Variants in GALNT17 observed in about 807,000 individuals in gnomAD.
The protein encoded by GALNT17 is UDP-GalNAc:polypeptide N-acetylgalactosaminyltransferase-like 3.
In GALNT17, 29 loss-of-function variants were observed where a neutral mutation model predicts 63.7. The ratio of observed to expected loss-of-function variants is 0.46; its 90% CI spans 0.34 to 0.62. The LOEUF is 0.62. Ranked by LOEUF, GALNT17 falls within the 20% of genes least tolerant of loss-of-function variation. The pLI is 0.01. For missense variants in GALNT17, 603 were observed against 799.6 expected (o/e 0.75, Z 2.97); for synonymous variants, 305 against 318.3 (o/e 0.96, Z 0.45).
At chr7:71,649,843 C>T (rs980100173) in intron 6 of GALNT17, among the ~76,000 whole-genome samples, 1 of 152,182 alleles carries the variant, frequency 6.6e-6, no homozygotes, top group African/African-American at 2.4e-5. Flanking sequence ...TTGTAATTCT[C>T]GTTAACCCTA....
chr7:71,330,318 A>T (rs1791786480), intron 1 of GALNT17, among the ~76,000 whole-genome samples: 2 of 151,466 alleles, frequency 1.3e-5, no homozygotes, highest in Non-Finnish European at 2.9e-5. Flanking sequence ...CGGCTGGACA[A>T]GTGGGATTTC....
At chr7:71,579,623 A>G (rs1789600731) in intron 6 of GALNT17, among the ~76,000 whole-genome samples, 1 of 152,360 alleles carries the variant, frequency 6.6e-6, no homozygotes, top group South Asian at 2.1e-4. Context: ...AGAATATTCT[A>G]GACAGAAAAA....
intron 6 of GALNT17, among the ~76,000 whole-genome samples, chr7:71,587,235 C>A (rs1446791473): frequency 6.6e-6 from 1 of 152,056 alleles, no homozygotes; most frequent in Non-Finnish European, 1.5e-5. Context: ...ACCATGTTGG[C>A]CAGGCTGGTC....
chr7:71,134,096 G>A (rs1346037761), intron 1 of GALNT17, among the ~76,000 whole-genome samples: 1 of 152,186 alleles, frequency 6.6e-6, no homozygotes, highest in African/African-American at 2.4e-5. Context: ...ATCCACAGAG[G>A]GGAAATGAGA....
chr7:71,572,052 G>A (rs1417574184), intron 6 of GALNT17, among the ~76,000 whole-genome samples: 2 of 151,604 alleles, frequency 1.3e-5, no homozygotes, highest in Admixed American at 6.6e-5. Context: ...TTTTACATCC[G>A]CAGATTTATT....
rs373112898 is a variant in GALNT17, at chr7:71,592,563, C to CATACTAAAATAAAA, written c.1080+21161_1080+21162insATACTAAAATAAAA. On this transcript the variant is annotated intron_variant, in intron 6 of 10. Coordinates refer to ENST00000333538, the MANE Select transcript of GALNT17 (RefSeq NM_022479.3). ...AAATAAAATAGCATAGCATAGCATA[C>CATACTAAAATAAAA]TAAAATAAAATAAAATAAAATAAAA... 1.7e-3 allele frequency among the ~76,000 whole-genome samples: 118 copies of CATACTAAAATAAAA among 69,958 alleles called. 1 individual carries two copies. The highest frequency in any genetic ancestry group is 5.4e-3 in the African/African-American group (114 of 21,134). The allele number at this position is 69,958 out of a possible 152,430, so 45.9% of individuals were successfully genotyped here.
At chr7:71,411,245 C>T (rs1050819037) in intron 3 of GALNT17, among the ~76,000 whole-genome samples, 2 of 152,016 alleles carry the variant, frequency 1.3e-5, no homozygotes, top group Non-Finnish European at 2.9e-5. Context: ...CCCAGCCTCT[C>T]GAGTAGCTGG....
intron 6 of GALNT17, among the ~76,000 whole-genome samples, chr7:71,592,544 A>AATAAAATAGCATAGCATAGCATAGC (rs11267770): frequency 8.7e-6 from 1 of 115,354 alleles, no homozygotes; most frequent in East Asian, 2.6e-4. Flanking sequence ...AATAAAATAA[A>AATAAAATAGCATAGCATAGCATAGC]ATAGCATAGC....
chr7:71,190,984 A>C (rs890920816), intron 1 of GALNT17, among the ~76,000 whole-genome samples: 1 of 152,154 alleles, frequency 6.6e-6, no homozygotes, highest in Non-Finnish European at 1.5e-5. Context: ...GACACAAGAT[A>C]GGGGGCCCGG....
At chr7:71,694,789 TTTC>T (rs1472911028) in intron 9 of GALNT17, among the ~76,000 whole-genome samples, 1 of 152,194 alleles carries the variant, frequency 6.6e-6, no homozygotes, top group Non-Finnish European at 1.5e-5. Context: ...AGAGCCTGGA[TTTC>T]TTAAGCAGGC....
chr7:71,657,821 T>A (rs944222705), intron 6 of GALNT17, among the ~76,000 whole-genome samples: 3 of 152,054 alleles, frequency 2.0e-5, no homozygotes, highest in African/African-American at 7.2e-5. Flanking sequence ...TGGGGTGGGA[T>A]CCAGGTGTTT....
At chr7:71,263,817 G>C (rs1289536239) in intron 1 of GALNT17, among the ~76,000 whole-genome samples, 2 of 152,096 alleles carry the variant, frequency 1.3e-5, no homozygotes, top group African/African-American at 4.8e-5. Context: ...CTAGCTACTT[G>C]GGAGGCTGAG....
At chr7:71,236,747 C>A (rs1789899036) in intron 1 of GALNT17, among the ~76,000 whole-genome samples, 1 of 152,180 alleles carries the variant, frequency 6.6e-6, no homozygotes, top group South Asian at 2.1e-4. Context: ...GGCACCTGCC[C>A]TTGACCTCCC....
intron 3 of GALNT17, among the ~76,000 whole-genome samples, chr7:71,390,062 C>G (rs774778039): frequency 1.6e-4 from 25 of 152,282 alleles, no homozygotes; most frequent in Non-Finnish European, 2.8e-4. Context: ...GAGCCACCCC[C>G]ACAAGCTCAT....
At chr7:71,535,546 A>G (rs142257757) in intron 5 of GALNT17, among the ~76,000 whole-genome samples, 4 of 152,374 alleles carry the variant, frequency 2.6e-5, no homozygotes, top group Admixed American at 6.5e-5. Context: ...TCTCACCTGC[A>G]AAGTAAATGT....
At chr7:71,381,572 A>C (rs1418970551) in intron 2 of GALNT17, among the ~76,000 whole-genome samples, 1 of 152,090 alleles carries the variant, frequency 6.6e-6, no homozygotes, top group Non-Finnish European at 1.5e-5. Context: ...TGAGGTCAGG[A>C]GTTCGAGACC....
At chr7:71,462,392 A>T (rs897577671) in intron 5 of GALNT17, among the ~76,000 whole-genome samples, 26 of 152,200 alleles carry the variant, frequency 1.7e-4, no homozygotes, top group Admixed American at 1.4e-3. Flanking sequence ...ACAACAAGAC[A>T]AGTGGGATTT....
chr7:71,168,666 A>G (rs1464641505), intron 1 of GALNT17, among the ~76,000 whole-genome samples: 1 of 151,706 alleles, frequency 6.6e-6, no homozygotes, highest in Non-Finnish European at 1.5e-5. Flanking sequence ...ACTATAGTCA[A>G]GCAAATTAAC....
intron 5 of GALNT17, among the ~76,000 whole-genome samples, chr7:71,434,260 A>G (rs996272957): frequency 1.3e-5 from 2 of 152,116 alleles, no homozygotes; most frequent in African/African-American, 4.8e-5. Context: ...TCCCCTTTAT[A>G]TATACATCTA....
Sources: allele counts gnomAD v4.1 joint callset (sites outside exome capture counted in the v4.1 genomes callset), GRCh38; gene constraint gnomAD v4.1.1; transcripts MANE v1.5; gene names NCBI Gene and HGNC (gene_info 2026-07-23, HGNC 2026-07-21).